The following ADAMTSL1 variants were observed in gnomAD, a reference collection of about 807,000 sequenced individuals.
ADAMTSL1 encodes the protein ADAMTS-like protein 1.
ADAMTSL1 carries 126 observed loss-of-function variants against 201.8 expected under a neutral mutation model. That is an observed-to-expected ratio of 0.62 (90% confidence interval 0.54 to 0.72). ADAMTSL1 has a LOEUF of 0.72. Ranked by LOEUF, ADAMTSL1 falls within the 30% of genes least tolerant of loss-of-function variation. The pLI, the probability that ADAMTSL1 is intolerant of heterozygous loss-of-function variation, is 0.00. For synonymous variants in ADAMTSL1, 1,121 were observed against 903.4 expected, an observed-to-expected ratio of 1.24 and a Z score of -4.32; for missense variants, 2,679 against 2,277.8, an observed-to-expected ratio of 1.18 and a Z score of -3.59.
chr9:18,242,211 C>T (rs1365667350), intron 2 of ADAMTSL1, among the ~76,000 whole-genome samples: 1 of 152,068 alleles, frequency 6.6e-6, no homozygotes, highest in South Asian at 2.1e-4. Context: ...TTAACATATG[C>T]AAATCAATCA....
At chr9:18,838,593 G>C (rs552594501) in intron 23 of ADAMTSL1, among the ~76,000 whole-genome samples, 1 of 152,178 alleles carries the variant, frequency 6.6e-6, no homozygotes, top group African/African-American at 2.4e-5. Flanking sequence ...TTGGGAGGCT[G>C]AGATGGGAGG....
chr9:18,538,879 G>A (rs6475227), intron 3 of ADAMTSL1, among the ~76,000 whole-genome samples: 1 of 151,968 alleles, frequency 6.6e-6, no homozygotes, highest in Non-Finnish European at 1.5e-5. Flanking sequence ...AAACAATGAC[G>A]CTGCTACAGG....
intron 1 of ADAMTSL1, among the ~76,000 whole-genome samples, chr9:18,101,684 C>A (rs899395732): frequency 6.6e-6 from 1 of 152,004 alleles, no homozygotes; most frequent in South Asian, 2.1e-4. Context: ...AGATGGAGGT[C>A]TAGGAGGTGA....
At chr9:18,359,799 G>A (rs930990303) in intron 2 of ADAMTSL1, among the ~76,000 whole-genome samples, 20 of 147,742 alleles carry the variant, frequency 1.4e-4, no homozygotes, top group Admixed American at 2.8e-4. Context: ...TCCCCATTCA[G>A]CAGGGTTAAT....
At chr9:18,632,661 C>T (rs1035076687) in intron 5 of ADAMTSL1, among the ~76,000 whole-genome samples, 1 of 152,118 alleles carries the variant, frequency 6.6e-6, no homozygotes, top group African/African-American at 2.4e-5. Context: ...TGGAGCCTGA[C>T]ACTAAAAGAC....
intron 1 of ADAMTSL1, among the ~76,000 whole-genome samples, chr9:17,907,768 C>T (rs1430728177): frequency 6.6e-6 from 1 of 152,172 alleles, no homozygotes; most frequent in Non-Finnish European, 1.5e-5. Flanking sequence ...ACTCAGAATG[C>T]CTGCGGTTCC....
intron 2 of ADAMTSL1, among the ~76,000 whole-genome samples, chr9:18,350,557 C>G (rs189852668): frequency 6.6e-6 from 1 of 151,944 alleles, no homozygotes; most frequent in African/African-American, 2.4e-5. Context: ...TCTAGAAATA[C>G]AAGGAAATTG....
chr9:18,274,776 G>A (rs958031588), intron 2 of ADAMTSL1, among the ~76,000 whole-genome samples: 4 of 152,136 alleles, frequency 2.6e-5, no homozygotes, highest in African/African-American at 9.7e-5. Flanking sequence ...GTAAGTAAAT[G>A]TACACAGCAT....
intron 3 of ADAMTSL1, among the ~76,000 whole-genome samples, chr9:18,543,791 C>A (rs1331080769): frequency 6.6e-6 from 1 of 152,188 alleles, no homozygotes. Flanking sequence ...AGGCAGCTGG[C>A]CAAGTTCACT....
chr9:18,039,273 A>C (rs1821336390), intron 1 of ADAMTSL1, among the ~76,000 whole-genome samples: 2 of 152,236 alleles, frequency 1.3e-5, no homozygotes, highest in Non-Finnish European at 2.9e-5. Context: ...AGATTTGAGC[A>C]AATAAATAGT....
intron 23 of ADAMTSL1, among the ~76,000 whole-genome samples, chr9:18,879,665 C>T (rs1828403552): frequency 6.6e-6 from 1 of 152,184 alleles, no homozygotes; most frequent in African/African-American, 2.4e-5. Context: ...AAAATGCTAA[C>T]AATTATCTGA....
chr9:18,434,776 T>C (rs1328897772), intron 2 of ADAMTSL1, among the ~76,000 whole-genome samples: 1 of 152,176 alleles, frequency 6.6e-6, no homozygotes, highest in Non-Finnish European at 1.5e-5. Flanking sequence ...TCTGGCTGAA[T>C]CTACCTCTCC....
chr9:18,082,699 T>A (rs1823559860), intron 1 of ADAMTSL1, among the ~76,000 whole-genome samples: 1 of 152,176 alleles, frequency 6.6e-6, no homozygotes, highest in African/African-American at 2.4e-5. Flanking sequence ...AGCAAATGTT[T>A]GGCTGGTTCC....
At chr9:18,882,516 G>T (rs1016433671) in intron 23 of ADAMTSL1, among the ~76,000 whole-genome samples, 1 of 152,150 alleles carries the variant, frequency 6.6e-6, no homozygotes, top group Admixed American at 6.5e-5. Flanking sequence ...TACAATTAGG[G>T]TTGGAGGGTA....
At chr9:18,821,434 A>G (rs553916231) in intron 21 of ADAMTSL1, among the ~76,000 whole-genome samples, 2 of 152,198 alleles carry the variant, frequency 1.3e-5, no homozygotes, top group East Asian at 3.9e-4. Flanking sequence ...AATACGGAGG[A>G]TGGTTGAGAA....
At chr9:18,206,845 C>G (rs1217848389) in intron 2 of ADAMTSL1, among the ~76,000 whole-genome samples, 1 of 152,022 alleles carries the variant, frequency 6.6e-6, no homozygotes, top group East Asian at 1.9e-4. Flanking sequence ...AAATCTGTCT[C>G]CTACGTGACC....
intron 15 of ADAMTSL1, among the ~76,000 whole-genome samples, chr9:18,733,872 T>G (rs1329202203): frequency 6.6e-6 from 1 of 151,600 alleles, no homozygotes; most frequent in Non-Finnish European, 1.5e-5. Flanking sequence ...TCTCACTTCC[T>G]TCAACTCTTT....
chr9:17,907,543 C>G (rs1825765620), intron 1 of ADAMTSL1, among the ~76,000 whole-genome samples: 2 of 152,232 alleles, frequency 1.3e-5, no homozygotes, highest in South Asian at 4.2e-4. Flanking sequence ...CTGACCATAC[C>G]CCCTCCGAAT....
At chr9:18,456,982 T>C (rs956464440) in intron 2 of ADAMTSL1, among the ~76,000 whole-genome samples, 2 of 152,212 alleles carry the variant, frequency 1.3e-5, no homozygotes, top group Admixed American at 6.5e-5. Context: ...TCATTTAGCA[T>C]CTAGAACAGT....
Sources: allele counts gnomAD v4.1 joint callset (sites outside exome capture counted in the v4.1 genomes callset), GRCh38; gene constraint gnomAD v4.1.1; transcripts MANE v1.5; gene names NCBI Gene and HGNC (gene_info 2026-07-23, HGNC 2026-07-21).